Variants in CEP128 observed in about 807,000 individuals in gnomAD.
CEP128 encodes the protein centrosomal protein 128, also known as centrosomal protein 128kDa.
In CEP128, 132 loss-of-function variants were observed where a neutral mutation model predicts 156.7. That is an observed-to-expected ratio of 0.84 (90% CI 0.73 to 0.97). CEP128 has a LOEUF of 0.97. CEP128 is among the 50% of genes least tolerant of loss of function. The probability of loss-of-function intolerance (pLI) is 0.00; values close to 1 mark genes in which losing one functional copy is unlikely to be tolerated. For missense variants in CEP128, 1,252 were observed against 1,281.9 expected, an observed-to-expected ratio of 0.98 and a Z score of 0.36; for synonymous variants, 469 against 448.9, an observed-to-expected ratio of 1.04 and a Z score of -0.57.
intron 19 of CEP128, among the ~76,000 whole-genome samples, chr14:80,656,279 T>TTATATATATATTTATATATATATATATA (rs1340772684): frequency 4.2e-5 from 2 of 47,126 alleles, no homozygotes; most frequent in African/African-American, 1.6e-4. Context: ...AAGTTTTTAT[T>TTATATATATATTTATATATATATATATA]TATATATATA....
At chr14:80,659,493 C>A (rs1440700167) in intron 19 of CEP128, among the ~76,000 whole-genome samples, 1 of 152,142 alleles carries the variant, frequency 6.6e-6, no homozygotes, top group Non-Finnish European at 1.5e-5. Flanking sequence ...AGAAAAATCA[C>A]AGCATTAATG....
chr14:80,795,901 T>G (rs1211323610), intron 13 of CEP128, among the ~76,000 whole-genome samples: 1 of 152,234 alleles, frequency 6.6e-6, no homozygotes, highest in Non-Finnish European at 1.5e-5. Flanking sequence ...GCGATTTTCC[T>G]ACTTGACTAT....
intron 13 of CEP128, among the ~76,000 whole-genome samples, chr14:80,807,314 A>C (rs1341533114): frequency 6.6e-6 from 1 of 152,252 alleles, no homozygotes; most frequent in Non-Finnish European, 1.5e-5. Flanking sequence ...TGTTTAAATT[A>C]AGTAAAATTA....
chr14:80,605,027 T>A (rs188826429), intron 19 of CEP128, among the ~76,000 whole-genome samples: 2 of 152,112 alleles, frequency 1.3e-5, no homozygotes, highest in African/African-American at 4.8e-5. Flanking sequence ...TGAAAAACTA[T>A]CAGAATGGAA....
intron 19 of CEP128, among the ~76,000 whole-genome samples, chr14:80,663,214 G>GC: frequency 6.6e-6 from 1 of 152,134 alleles, no homozygotes; most frequent in Non-Finnish European, 1.5e-5. Flanking sequence ...ACTGCAGGCT[G>GC]CAACTGGCTT....
Position 80,883,823 on chromosome 14 carries a change from A to G in CEP128, c.645+11895T>C, listed in dbSNP as rs930144531. ...TGGAGGAACCACATCACCTGACTTC[A>G]AATTATACTACACAGCTATAGTAAC... On this transcript the variant is annotated intron_variant, in intron 8 of 24. Coordinates refer to ENST00000555265, the MANE Select transcript of CEP128 (RefSeq NM_152446.5). Among the ~76,000 whole-genome samples, 3 of 152,336 alleles carry G rather than the reference A, an allele frequency of 2.0e-5. No individual in the cohort carries two copies. In the South Asian group the frequency reaches 6.2e-4, roughly 32 times the overall value.
intron 13 of CEP128, among the ~76,000 whole-genome samples, chr14:80,829,948 TGAAG>T (rs1039974510): frequency 1.6e-4 from 25 of 152,206 alleles, no homozygotes; most frequent in Admixed American, 1.4e-3. Flanking sequence ...AGAAACAATG[TGAAG>T]GAAGGAAAGA....
At chr14:80,717,841 GTC>G (rs1897664680) in intron 19 of CEP128, among the ~76,000 whole-genome samples, 1 of 152,128 alleles carries the variant, frequency 6.6e-6, no homozygotes, top group East Asian at 1.9e-4. Context: ...TTGAGACAAG[GTC>G]TCACTTTATT....
At chr14:80,833,828 T>C (rs1389324640) in intron 12 of CEP128, among the ~76,000 whole-genome samples, 1 of 152,148 alleles carries the variant, frequency 6.6e-6, no homozygotes, top group African/African-American at 2.4e-5. Context: ...ATTCAGGAGA[T>C]ATCAGGATGT....
At chr14:80,891,312 A>C (rs1256842344) in intron 8 of CEP128, among the ~76,000 whole-genome samples, 1 of 152,190 alleles carries the variant, frequency 6.6e-6, no homozygotes, top group Non-Finnish European at 1.5e-5. Context: ...CTAAGTGTCC[A>C]TTGACAGAAG....
rs1318933033 is a variant in CEP128, at chr14:80,785,456, TA to T, written c.1649del (p.Leu550GlnfsTer46). On this transcript the variant is annotated frameshift_variant, in exon 15 of 25. Coordinates refer to ENST00000555265, the MANE Select transcript of CEP128 (RefSeq NM_152446.5). LOFTEE classifies it high-confidence loss of function. ...ENLRKELNDVLTKRALQEEEL... is the reference protein window; with the variant it reads ...ENLRKELNDVXTKRALQEEEL... Reference sequence around the variant, plus strand: ...CCTCCTCCTGAAGGGCACGCTTTGTTAGGACATCATTCAATTCCTTTCGAAG... The same window carrying T: ...CCTCCTCCTGAAGGGCACGCTTTGTTGGACATCATTCAATTCCTTTCGAAG... 6.2e-7 allele frequency: 1 copy of T among 1,613,986 alleles called. No individual in the cohort carries two copies. The highest frequency in any genetic ancestry group is 2.2e-5 in the East Asian group (1 of 44,882).
At chr14:80,814,923 T>C (rs1884762051) in intron 13 of CEP128, among the ~76,000 whole-genome samples, 1 of 152,166 alleles carries the variant, frequency 6.6e-6, no homozygotes, top group Non-Finnish European at 1.5e-5. Flanking sequence ...CCAGAAGTGG[T>C]GGCGCTCACC....
At chr14:80,654,207 T>A (rs887073048) in intron 19 of CEP128, among the ~76,000 whole-genome samples, 2 of 152,054 alleles carry the variant, frequency 1.3e-5, no homozygotes, top group Admixed American at 1.3e-4. Context: ...TCATATTATA[T>A]GTGACTTGAT....
chr14:80,875,027 C>A (rs1400843696), intron 8 of CEP128, among the ~76,000 whole-genome samples: 1 of 152,186 alleles, frequency 6.6e-6, no homozygotes, highest in Non-Finnish European at 1.5e-5. Flanking sequence ...TTTAGAACGA[C>A]TTTTTCCCCT....
chr14:80,729,057 GGGTGTGTGT>G (rs1898138949), intron 19 of CEP128, among the ~76,000 whole-genome samples: 26 of 102,168 alleles, frequency 2.5e-4, no homozygotes, highest in South Asian at 1.3e-3. Flanking sequence ...GGGCTGGTGG[GGGTGTGTGT>G]GTGTGTGTGT....
At chr14:80,641,069 C>G (rs912016995) in intron 19 of CEP128, among the ~76,000 whole-genome samples, 1 of 152,116 alleles carries the variant, frequency 6.6e-6, no homozygotes, top group Non-Finnish European at 1.5e-5. Flanking sequence ...AACATGTTCC[C>G]GAGTTTAGTT....
intron 6 of CEP128, among the ~76,000 whole-genome samples, chr14:80,901,886 G>A (rs1257961786): frequency 6.6e-6 from 1 of 152,128 alleles, no homozygotes; most frequent in Non-Finnish European, 1.5e-5. Flanking sequence ...CAGCCAGAGT[G>A]ATCTTTTCAA....
At chr14:80,770,581 ACTC>A (rs1169520692) in intron 16 of CEP128, among the ~76,000 whole-genome samples, 4 of 152,108 alleles carry the variant, frequency 2.6e-5, no homozygotes, top group East Asian at 1.9e-4. Context: ...TTAAATGAAA[ACTC>A]CTAAAAATGT....
At position 80,518,110 on chromosome 14, in the gene CEP128, G is replaced by A. The variant is rs530504533; in HGVS notation, c.3072+8759C>T. On this transcript the variant is annotated intron_variant, in intron 23 of 24. Transcript: ENST00000555265. ...CCCATATAATGGGAGGGGACCCAAA[G>A]GGGGTTGCCATTGCCATCTAGAATG... 3.3e-5 allele frequency among the ~76,000 whole-genome samples: 5 copies of A among 149,558 alleles called. No homozygotes were observed. The South Asian group carries it at 1.1e-3, about 33-fold the overall frequency.
Sources: gnomAD v4.1 joint callset for allele counts (sites outside exome capture counted in the v4.1 genomes callset) on GRCh38, gnomAD v4.1.1 for gene constraint, MANE v1.5 for transcripts, NCBI Gene and HGNC (gene_info 2026-07-23, HGNC 2026-07-21) for gene names.